Variants in HESX1 observed in about 807,000 individuals in gnomAD.
The protein encoded by HESX1 is HESX homeobox 1.
HESX1 carries 11 observed loss-of-function variants against 22.5 expected under a neutral mutation model. The observed-to-expected ratio is 0.49, with a 90% CI of 0.31 to 0.81. The LOEUF (loss-of-function observed/expected upper bound fraction) is 0.81, where lower values mean the gene tolerates loss of function less well. Ranked by LOEUF, HESX1 falls within the 30% of genes least tolerant of loss-of-function variation. The probability of loss-of-function intolerance (pLI) is 0.05; values close to 1 mark genes in which losing one functional copy is unlikely to be tolerated. For missense variants in HESX1, 201 were observed against 212.6 expected, an observed-to-expected ratio of 0.95 and a Z score of 0.34; for synonymous variants, 74 against 76.5, an observed-to-expected ratio of 0.97 and a Z score of 0.17.
upstream of HESX1, among the ~76,000 whole-genome samples, chr3:57,201,588 G>A (rs2060486713): frequency 6.7e-6 from 1 of 149,818 alleles, no homozygotes; most frequent in Non-Finnish European, 1.5e-5. Context: ...AATAATTATA[G>A]GTAAATTATC....
rs549159984 is a variant in HESX1 at position 57,225,882 on chromosome 3, T to C, written c.-111+414A>G. Among the ~76,000 whole-genome samples the C allele has an allele frequency of 1.4e-4, 9 of 64,842 alleles. No homozygotes were observed. In the East Asian group the frequency reaches 2.5e-3, roughly 18 times the overall value. 42.5% of individuals were successfully genotyped at this position (64,842 alleles called of 152,430 possible). ...TAACAAATACTTTTCTTTTCTTTTC[T>C]TTTTTTTTTTTTTTTTGATACGTAG... On this transcript the variant is annotated intron_variant, in intron 1 of 2. Transcript: ENST00000495160.
upstream of HESX1, among the ~76,000 whole-genome samples, chr3:57,202,994 A>C (rs900118698): frequency 1.3e-5 from 2 of 152,222 alleles, no homozygotes; most frequent in African/African-American, 4.8e-5. Context: ...AGTCAGTGGT[A>C]CCAGGTGCAT....
intron 2 of HESX1, 84 bp from the exon 3 acceptor site, chr3:57,198,576 G>A: frequency 9.5e-7 from 1 of 1,057,924 alleles, no homozygotes; most frequent in Non-Finnish European, 1.4e-6. Context: ...TTTAAATCTT[G>A]GCAATTAATC....
Position 57,198,060 on chromosome 3 carries a change from T to C in HESX1, c.*137A>G. ...ATATGTACCATGCTATAATAGTATT[T>C]ACAATATATTTTCAGAAAAAATGAC... On this transcript the variant is annotated 3_prime_UTR_variant, in exon 4 of 4. Transcript: ENST00000295934. The C allele has an allele frequency of 1.4e-6, 1 of 690,736 alleles. No homozygotes were observed. The highest frequency in any genetic ancestry group is 2.6e-6 in the Non-Finnish European group (1 of 388,112). The allele number at this position is 690,736 out of a possible 1,614,324, so 42.8% of individuals were successfully genotyped here.
At chr3:57,201,414 G>A (rs540056460), upstream of HESX1, among the ~76,000 whole-genome samples, 27 of 152,166 alleles carry the variant, frequency 1.8e-4, no homozygotes, top group African/African-American at 6.5e-4. Context: ...CTAGGAGGAA[G>A]CGAGAGAATA....
In HESX1 at chr3:57,198,714, G is replaced by A. The variant is rs1254967130; in HGVS notation, c.357+39C>T. 1.9e-6 allele frequency: 3 copies of A among 1,581,464 alleles called. No homozygotes were observed. In the African/African-American group the frequency reaches 4.0e-5, roughly 21 times the overall value. The stretch of plus-strand genomic sequence containing the variant: ...TTTGCTCAACTTGGTGTCAATTAAA[G>A]CCTTTATATTATCATTATTGGGTGA... On this transcript the variant is annotated intron_variant, in intron 2 of 3. Coordinates refer to ENST00000295934, the MANE Select transcript of HESX1 (RefSeq NM_003865.3).
At position 57,212,387 on chromosome 3, in the gene HESX1, C is replaced by T. The variant is rs148579285; in HGVS notation, c.-110-12359G>A. Among the ~76,000 whole-genome samples the T allele has an allele frequency of 6.0e-3, 918 of 151,826 alleles. 9 individuals are homozygous for T. The highest frequency in any genetic ancestry group is 0.021 in the African/African-American group (885 of 41,386). On this transcript the variant is annotated intron_variant, in intron 1 of 2. Coordinates refer to the HESX1 transcript ENST00000495160. ...CATCCTGGCCAACGTGGTGAAACCC[C>T]GTCTCTACTAAAAATACAAAAATTA...
rs1579365893 is a variant in HESX1 at position 57,219,396 on chromosome 3, C to T, written c.-111+6900G>A. ...TTTTCTTTTTTTTTTGAGACGGAGTCTTGCTCTGTCGCCCAGGCTGGAGTG... is the reference window on the plus strand; with the variant it reads ...TTTTCTTTTTTTTTTGAGACGGAGTTTTGCTCTGTCGCCCAGGCTGGAGTG... On this transcript the variant is annotated intron_variant, in intron 1 of 2. Transcript: ENST00000495160. Among the ~76,000 whole-genome samples the T allele has an allele frequency of 1.3e-5, 2 of 151,440 alleles. 1 individual carries two copies. The highest frequency in any genetic ancestry group is 4.2e-4 in the South Asian group (2 of 4,794).
In HESX1 at chr3:57,198,286, G is replaced by T; in HGVS notation, c.469C>A (p.Gln157Lys). ...CTTTTCAGTTTTGCACGCCGATTTT[G>T]AAACCAAATCTAAAGTTAAGGAAAA... ...LEEDRIQIWF[Q>K]NRRAKLKRSH... The change falls in exon 4 of 4, where the codon CAA (glutamine) becomes AAA (lysine). Residue 157 changes from glutamine (Q) to lysine (K), a missense_variant. Coordinates refer to ENST00000295934, the MANE Select transcript of HESX1 (RefSeq NM_003865.3). 1 of 1,612,340 alleles carries T rather than the reference G, an allele frequency of 6.2e-7. No individual in the cohort carries two copies. The highest frequency in any genetic ancestry group is 8.5e-7 in the Non-Finnish European group (1 of 1,178,784).
At chr3:57,201,380 G>A (rs943494080), upstream of HESX1, among the ~76,000 whole-genome samples, 3 of 152,014 alleles carry the variant, frequency 2.0e-5, no homozygotes, top group Non-Finnish European at 2.9e-5. Context: ...GTGCAAAGGT[G>A]GGGGGTATCT....
chr3:57,219,487 C>T (rs1335567229), intron 1 of HESX1, among the ~76,000 whole-genome samples: 1 of 152,060 alleles, frequency 6.6e-6, no homozygotes, highest in Non-Finnish European at 1.5e-5. Context: ...CCTGCCTCAG[C>T]CTCCCGAGTA....
upstream of HESX1, among the ~76,000 whole-genome samples, chr3:57,202,299 G>A (rs368927851): frequency 1.4e-4 from 22 of 151,978 alleles, no homozygotes; most frequent in Admixed American, 4.6e-4. Flanking sequence ...TGTGAGGGAA[G>A]CATTTTCTCA....
chr3:57,209,297 C>T (rs956521234), intron 1 of HESX1, among the ~76,000 whole-genome samples: 1 of 152,150 alleles, frequency 6.6e-6, no homozygotes, highest in Non-Finnish European at 1.5e-5. Context: ...ATTTCCATAA[C>T]TGCAAGAAGT....
intron 2 of HESX1, 27 bp from the exon 3 acceptor site, chr3:57,198,519 G>C: frequency 7.4e-7 from 1 of 1,352,182 alleles, no homozygotes; most frequent in Non-Finnish European, 1.1e-6. Context: ...TTGATATTCA[G>C]TATGTCTCCA....
At chr3:57,212,476 T>C (rs1455894478) in intron 1 of HESX1, among the ~76,000 whole-genome samples, 7 of 147,702 alleles carry the variant, frequency 4.7e-5, no homozygotes, top group African/African-American at 1.5e-4. Context: ...GGAGAATCCC[T>C]TGAACCAGGT....
chr3:57,213,078 A>G (rs1273934115), intron 1 of HESX1, among the ~76,000 whole-genome samples: 1 of 151,920 alleles, frequency 6.6e-6, no homozygotes, highest in Non-Finnish European at 1.5e-5. Context: ...CACACCACAA[A>G]CATGTATAGC....
upstream of HESX1, among the ~76,000 whole-genome samples, chr3:57,226,828 T>C (rs1397655914): frequency 6.6e-6 from 1 of 152,156 alleles, no homozygotes; most frequent in African/African-American, 2.4e-5. Context: ...CTCTGTATAA[T>C]GATGAAAGCC....
At chr3:57,210,788 G>GTT (rs2060548678) in intron 1 of HESX1, among the ~76,000 whole-genome samples, 1 of 152,096 alleles carries the variant, frequency 6.6e-6, no homozygotes, top group African/African-American at 2.4e-5. Context: ...TTTAACTATT[G>GTT]TTTTTTAATG....
intron 1 of HESX1, among the ~76,000 whole-genome samples, chr3:57,224,470 G>C (rs191600138): frequency 2.0e-5 from 3 of 152,000 alleles, no homozygotes; most frequent in African/African-American, 7.3e-5. Flanking sequence ...AATACAAAGT[G>C]ATTTAGGAAA....
Sources: gnomAD v4.1 joint callset for allele counts (sites outside exome capture counted in the v4.1 genomes callset) on GRCh38, gnomAD v4.1.1 for gene constraint, MANE v1.5 for transcripts, NCBI Gene and HGNC (gene_info 2026-07-23, HGNC 2026-07-21) for gene names.